BEND7: variants seen among roughly 807,000 people sequenced by gnomAD.
BEND7 encodes BEN domain containing 7.
A neutral mutation model predicts 50.9 loss-of-function variants in BEND7; 28 were observed. That is an observed-to-expected ratio of 0.55 (90% CI 0.41 to 0.75). BEND7 has a LOEUF of 0.75. Ranked by LOEUF, BEND7 falls within the 30% of genes least tolerant of loss-of-function variation. The probability of loss-of-function intolerance (pLI) is 0.00; values close to 1 mark genes in which losing one functional copy is unlikely to be tolerated. For synonymous variants in BEND7, 170 were observed against 183.9 expected, an observed-to-expected ratio of 0.92 and a Z score of 0.61; for missense variants, 477 against 491.3, an observed-to-expected ratio of 0.97 and a Z score of 0.28.
chr10:13,528,422 C>A (rs1372864524), intron 1 of BEND7, 51 bp downstream of exon 1: 14 of 939,402 alleles, frequency 1.5e-5, no homozygotes, highest in Non-Finnish European at 1.8e-5. Context: ...CCGCGGGCGG[C>A]CGAGGGCGCG....
intron 6 of BEND7, among the ~76,000 whole-genome samples, chr10:13,463,379 T>C (rs1441493522): frequency 6.6e-6 from 1 of 152,126 alleles, no homozygotes; most frequent in African/African-American, 2.4e-5. Context: ...CTATAAGATC[T>C]TAAGAATTAT....
chr10:13,506,241 G>A (rs1158107586), intron 2 of BEND7, among the ~76,000 whole-genome samples: 2 of 152,158 alleles, frequency 1.3e-5, no homozygotes, highest in Non-Finnish European at 2.9e-5. Context: ...GCTAGAGCTA[G>A]ACCCGCCTCT....
chr10:13,472,137 C>T (rs564124482), intron 6 of BEND7, among the ~76,000 whole-genome samples: 45 of 152,246 alleles, frequency 3.0e-4, no homozygotes, highest in African/African-American at 1.0e-3. Context: ...TACCCATCAT[C>T]GCTCTTAGAC....
At chr10:13,500,436 C>G in intron 2 of BEND7, 1 of 855,720 alleles carries the variant, frequency 1.2e-6, no homozygotes, top group Non-Finnish European at 1.4e-6. Flanking sequence ...AGAACTGGAC[C>G]GCGGAACCCC....
intron 5 of BEND7, among the ~76,000 whole-genome samples, chr10:13,483,218 G>A (rs1039271771): frequency 6.6e-6 from 1 of 152,074 alleles, no homozygotes; most frequent in Non-Finnish European, 1.5e-5. Flanking sequence ...TACTTAAAAC[G>A]CTGACCTCTG....
intron 5 of BEND7, among the ~76,000 whole-genome samples, chr10:13,492,123 G>A (rs544043361): frequency 5.9e-5 from 9 of 152,020 alleles, no homozygotes; most frequent in Non-Finnish European, 4.4e-5. Flanking sequence ...ATCATTACAC[G>A]GAGTAAATGG....
intron 6 of BEND7, among the ~76,000 whole-genome samples, chr10:13,459,002 G>A (rs116087094): frequency 0.024 from 3,637 of 152,314 alleles, 134 homozygotes; most frequent in African/African-American, 0.082. Context: ...CCAAGTATGG[G>A]CAGCTTAAAT....
chr10:13,493,653 T>G (rs2076831530), intron 4 of BEND7, among the ~76,000 whole-genome samples: 2 of 152,286 alleles, frequency 1.3e-5, no homozygotes, highest in South Asian at 4.1e-4. Context: ...AGGAACCAAG[T>G]ATTCAACCTG....
chr10:13,486,983 C>T (rs558375263), intron 5 of BEND7, among the ~76,000 whole-genome samples: 1 of 152,326 alleles, frequency 6.6e-6, no homozygotes, highest in African/African-American at 2.4e-5. Flanking sequence ...TCCAGGCTCC[C>T]AGGTGACCTG....
intron 4 of BEND7, among the ~76,000 whole-genome samples, chr10:13,494,684 T>G (rs561612575): frequency 6.6e-6 from 1 of 152,340 alleles, no homozygotes; most frequent in South Asian, 2.1e-4. Flanking sequence ...GCCTCATGAT[T>G]CTCAATTAGA....
chr10:13,452,587 G>C lies in BEND7; in HGVS notation c.1135C>G (p.Leu379Val), dbSNP rs1837989184. 4 of 1,613,528 alleles carry C rather than the reference G, an allele frequency of 2.5e-6. No homozygotes were observed. The highest frequency in any genetic ancestry group is 3.4e-6 in the Non-Finnish European group (4 of 1,179,666). The change falls in exon 7 of 9, where the codon CTA becomes GTA. Residue 379 changes from leucine (L) to valine (V), a missense_variant. By Grantham distance (32) the Leu-to-Val change is conservative (BLOSUM62 1). Coordinates refer to ENST00000466271, the MANE Select transcript of BEND7 (RefSeq NM_001369863.1). ...CTGGCCAGTTTAATTTGATCCTGTA[G>C]AATCTGTACCCAATCTCTTGGGCCA... ...LPGPRDWVQI[L>V]QDQIKLARRR...
At chr10:13,503,365 C>T (rs538070006) in intron 2 of BEND7, among the ~76,000 whole-genome samples, 1 of 152,288 alleles carries the variant, frequency 6.6e-6, no homozygotes, top group East Asian at 1.9e-4. Flanking sequence ...GGTCCCTCCT[C>T]AGAGGAAGTA....
At chr10:13,447,117 T>G in intron 8 of BEND7, 149 bp downstream of exon 8, 5 of 771,016 alleles carry the variant, frequency 6.5e-6, no homozygotes, top group African/African-American at 1.8e-5. Context: ...TACGGGGCCT[T>G]GAGAAGCTCC....
intron 2 of BEND7, among the ~76,000 whole-genome samples, chr10:13,516,711 C>T (rs899089818): frequency 2.1e-4 from 32 of 151,948 alleles, no homozygotes; most frequent in African/African-American, 7.3e-4. Context: ...GGTGACACAG[C>T]GAGACTCTAA....
At chr10:13,476,298 C>G (rs184563217) in intron 6 of BEND7, among the ~76,000 whole-genome samples, 1 of 152,226 alleles carries the variant, frequency 6.6e-6, no homozygotes, top group Admixed American at 6.5e-5. Flanking sequence ...GGAGGGCTAC[C>G]AAACAAGGAG....
chr10:13,453,830 C>A (rs1309330902), intron 6 of BEND7, among the ~76,000 whole-genome samples: 3 of 152,144 alleles, frequency 2.0e-5, no homozygotes, highest in Admixed American at 1.3e-4. Context: ...ACAGGGAAAA[C>A]CCTTTTGAGA....
intron 5 of BEND7, 95 bp downstream of exon 5, chr10:13,492,516 G>A: frequency 1.2e-5 from 18 of 1,464,238 alleles, no homozygotes; most frequent in Non-Finnish European, 1.7e-5. Flanking sequence ...TAGTCTGCAA[G>A]TTTCTCTAGT....
chr10:13,505,575 C>T (rs1021849515), intron 2 of BEND7, among the ~76,000 whole-genome samples: 4 of 152,222 alleles, frequency 2.6e-5, no homozygotes, highest in South Asian at 4.1e-4. Flanking sequence ...ACTTCTTAAA[C>T]TCTCACACTG....
chr10:13,527,826 C>T, intron 1 of BEND7: 1 of 983,766 alleles, frequency 1.0e-6, no homozygotes, highest in Non-Finnish European at 1.2e-6. Flanking sequence ...AATACAAACC[C>T]TAGAGTGTGG....
Sources: allele counts gnomAD v4.1 joint callset (sites outside exome capture counted in the v4.1 genomes callset), GRCh38; gene constraint gnomAD v4.1.1; transcripts MANE v1.5; gene names NCBI Gene and HGNC (gene_info 2026-07-23, HGNC 2026-07-21).